Variants in PRELID2 observed in about 807,000 individuals in gnomAD.
The protein encoded by PRELID2 is PRELI domain containing 2.
Under a neutral mutation model 28.4 loss-of-function variants are expected in PRELID2, and 25 were observed. That is an observed-to-expected ratio of 0.88 (90% CI 0.64 to 1.23). The LOEUF (loss-of-function observed/expected upper bound fraction) is 1.23, where lower values mean the gene tolerates loss of function less well. Among genes scored for constraint, PRELID2 ranks in the 50% most tolerant of loss-of-function variants. The pLI, the probability that PRELID2 is intolerant of heterozygous loss-of-function variation, is 0.00. For missense variants in PRELID2, 201 were observed against 214.4 expected (o/e 0.94, Z 0.39); for synonymous variants, 76 against 71.6 (o/e 1.06, Z -0.31).
chr5:145,719,867 C>T (rs1214639119), intron 1 of PRELID2, among the ~76,000 whole-genome samples: 1 of 151,738 alleles, frequency 6.6e-6, no homozygotes, highest in Non-Finnish European at 1.5e-5. Flanking sequence ...ATATGAAAAA[C>T]ACCTTAAATC....
chr5:145,677,742 A>G (rs1467801126), intron 1 of PRELID2, among the ~76,000 whole-genome samples: 1 of 152,190 alleles, frequency 6.6e-6, no homozygotes, highest in Non-Finnish European at 1.5e-5. Context: ...CTGAAGCACC[A>G]CCATTCACCT....
At position 145,518,171 on chromosome 5, in the gene PRELID2, AATAATAATG is replaced by A. The variant is rs1182553924; in HGVS notation, n.71-44865_71-44857del. Among the ~76,000 whole-genome samples the A allele has an allele frequency of 6.3e-5, 8 of 126,206 alleles. No individual in the cohort carries two copies. The East Asian group carries it at 2.0e-3, about 31-fold the overall frequency. The allele number at this position is 126,206 out of a possible 152,430, so 82.8% of individuals were successfully genotyped here. ...TAATAATAATAATAATAATAATAAT[AATAATAATG>A]ATGTCATGAGTGCACTCTTGGTTTT... On this transcript the variant is annotated intron_variant and non_coding_transcript_variant, in intron 1 of 2. Transcript: ENST00000510259.
rs116449433 is a variant in PRELID2 at position 145,546,461 on chromosome 5, T to C, written n.71-73146A>G. Among the ~76,000 whole-genome samples the C allele has an allele frequency of 8.0e-3, 1,225 of 152,246 alleles. 15 individuals are homozygous for C. The highest frequency in any genetic ancestry group is 0.027 in the African/African-American group (1,131 of 41,550). ...AGGATACATATGCCCCCTTCCAAGA[T>C]GTACACTTGTAAAAAGGGAAACAAG... On this transcript the variant is annotated intron_variant and non_coding_transcript_variant, in intron 1 of 2. Coordinates refer to the PRELID2 transcript ENST00000510259.
chr5:145,601,592 T>A (rs749241470), intron 1 of PRELID2, among the ~76,000 whole-genome samples: 3 of 152,286 alleles, frequency 2.0e-5, no homozygotes, highest in Admixed American at 6.5e-5. Flanking sequence ...TAAATCATAT[T>A]GAAGAGTTAA....
intron 1 of PRELID2, among the ~76,000 whole-genome samples, chr5:145,675,416 C>T (rs1317064606): frequency 2.0e-5 from 3 of 152,202 alleles, no homozygotes; most frequent in Non-Finnish European, 4.4e-5. Flanking sequence ...GAAACATTCT[C>T]ATACACCGCT....
At chr5:145,783,529 T>C (rs1751772911) in intron 5 of PRELID2, among the ~76,000 whole-genome samples, 2 of 152,184 alleles carry the variant, frequency 1.3e-5, no homozygotes, top group Admixed American at 6.5e-5. Context: ...ATCAGAATTC[T>C]TGGTAATATT....
chr5:145,633,020 G>C (rs1561526116), intron 1 of PRELID2, among the ~76,000 whole-genome samples: 1 of 152,092 alleles, frequency 6.6e-6, no homozygotes, highest in Non-Finnish European at 1.5e-5. Context: ...AGCCCCATTT[G>C]AAAGCCATCA....
At chr5:145,288,775 C>T in the PRELID2 span, among the ~76,000 whole-genome samples, 1 of 152,010 alleles carries the variant, frequency 6.6e-6, no homozygotes, top group Admixed American at 6.6e-5. Context: ...AGGTATCCAA[C>T]TCTAATCTGT....
the PRELID2 span, among the ~76,000 whole-genome samples, chr5:145,253,316 T>C: frequency 8.5e-5 from 13 of 152,174 alleles, no homozygotes; most frequent in African/African-American, 2.9e-4. Flanking sequence ...GGAATACTTA[T>C]GCTGGGCAAG....
intron 1 of PRELID2, among the ~76,000 whole-genome samples, chr5:145,518,724 C>G (rs1752539872): frequency 6.6e-6 from 1 of 152,180 alleles, no homozygotes; most frequent in Non-Finnish European, 1.5e-5. Context: ...GCAATTTTTT[C>G]CACGAGGAGA....
intron 5 of PRELID2, among the ~76,000 whole-genome samples, chr5:145,773,194 G>A (rs942034736): frequency 6.6e-6 from 1 of 152,120 alleles, no homozygotes; most frequent in Non-Finnish European, 1.5e-5. Context: ...ATATTTTCTA[G>A]TCCGGATAGG....
intron 1 of PRELID2, among the ~76,000 whole-genome samples, chr5:145,638,216 T>C (rs990779792): frequency 6.6e-6 from 1 of 152,198 alleles, no homozygotes; most frequent in Non-Finnish European, 1.5e-5. Context: ...ACCACTGTGA[T>C]TTTACAAGAA....
intron 1 of PRELID2, among the ~76,000 whole-genome samples, chr5:145,484,736 A>C (rs557002732): frequency 6.6e-6 from 1 of 152,364 alleles, no homozygotes; most frequent in Admixed American, 6.5e-5. Context: ...TTAACTTAAA[A>C]GTTAAGAAAA....
chr5:145,365,073 A>G, the PRELID2 span, among the ~76,000 whole-genome samples: 5 of 151,984 alleles, frequency 3.3e-5, no homozygotes, highest in Non-Finnish European at 7.4e-5. Flanking sequence ...TCATAGAAGT[A>G]GAGAGTAGAA....
chr5:145,254,322 G>A, the PRELID2 span, among the ~76,000 whole-genome samples: 4 of 151,660 alleles, frequency 2.6e-5, no homozygotes, highest in East Asian at 1.9e-4. Context: ...TCTGTTTTTC[G>A]AATTATTATT....
At chr5:145,337,138 C>T in the PRELID2 span, among the ~76,000 whole-genome samples, 3 of 151,002 alleles carry the variant, frequency 2.0e-5, no homozygotes, top group Non-Finnish European at 2.9e-5. Context: ...AAAAAGAACC[C>T]AGCATAACAC....
At chr5:145,653,816 T>C (rs902320282) in intron 1 of PRELID2, among the ~76,000 whole-genome samples, 2 of 151,994 alleles carry the variant, frequency 1.3e-5, no homozygotes, top group Admixed American at 1.3e-4. Context: ...AAAATTGACA[T>C]CTTAACATCA....
chr5:145,489,306 T>C (rs1232552286), intron 1 of PRELID2, among the ~76,000 whole-genome samples: 2 of 152,226 alleles, frequency 1.3e-5, no homozygotes, highest in Non-Finnish European at 2.9e-5. Flanking sequence ...CAGCTTTCAA[T>C]AACAAATAAC....
Position 145,738,010 on chromosome 5 carries a change from G to C in PRELID2, n.70+26921C>G, listed in dbSNP as rs147808237. ...TCCCCAAACCCATAGTGACAGTGGA[G>C]GCCAGATAGGGAGCAATAATAAGAC... On this transcript the variant is annotated intron_variant and non_coding_transcript_variant, in intron 1 of 2. Transcript: ENST00000510259. Among the ~76,000 whole-genome samples, 193 of 152,328 alleles carry C rather than the reference G, an allele frequency of 1.3e-3. 1 individual carries two copies. Among genetic ancestry groups the C allele is most frequent in the African/African-American group, 4.3e-3 (178 of 41,570 alleles).
Sources: gnomAD v4.1 joint callset for allele counts (sites outside exome capture counted in the v4.1 genomes callset) on GRCh38, gnomAD v4.1.1 for gene constraint, MANE v1.5 for transcripts, NCBI Gene and HGNC (gene_info 2026-07-23, HGNC 2026-07-21) for gene names.